MCF2L: variants seen among roughly 807,000 people sequenced by gnomAD.
MCF2L encodes MCF.2 cell line derived transforming sequence like, also known as guanine nucleotide exchange factor DBS.
In MCF2L, 97 loss-of-function variants were observed where a neutral mutation model predicts 153.4. The ratio of observed to expected loss-of-function variants is 0.63; its 90% confidence interval spans 0.54 to 0.75. The LOEUF is 0.75. MCF2L is among the 30% of genes least tolerant of loss of function. The probability of loss-of-function intolerance (pLI) is 0.00; values close to 1 mark genes in which losing one functional copy is unlikely to be tolerated. For missense variants in MCF2L, 1,347 were observed against 1,495.2 expected (o/e 0.90, Z 1.64); for synonymous variants, 659 against 632.2 (o/e 1.04, Z -0.64).
intron 4 of MCF2L, among the ~76,000 whole-genome samples, chr13:113,060,241 C>A (rs1235619351): frequency 6.6e-6 from 1 of 152,214 alleles, no homozygotes; most frequent in African/African-American, 2.4e-5. Context: ...GTAAAGACCG[C>A]GTCACCAGCC....
rs1223060629 is a variant in MCF2L, at chr13:113,096,997, C to T, written c.*138C>T. 3 of 502,294 alleles carry T rather than the reference C, an allele frequency of 6.0e-6. No individual in the cohort carries two copies. Among genetic ancestry groups the T allele is most frequent in the South Asian group, 1.1e-4 (2 of 17,446 alleles). 31.1% of individuals were successfully genotyped at this position (502,294 alleles called of 1,614,324 possible). A position where few individuals can be genotyped will look rare whatever the true frequency, so the allele number is the denominator to read the frequency against. On this transcript the variant is annotated 3_prime_UTR_variant, in exon 30 of 30. Coordinates refer to ENST00000535094, the MANE Select transcript of MCF2L (RefSeq NM_001112732.3). ...CCTGGCCGTGCGGGCTGCAGAGGAC[C>T]CCTCCGGGGCAGAGGCAGGTTCCAC...
chr13:113,075,379 TTTC>T (rs1425210086), intron 11 of MCF2L, among the ~76,000 whole-genome samples, 190 bp downstream of exon 11: 1 of 118,552 alleles, frequency 8.4e-6, no homozygotes, highest in East Asian at 4.0e-4. Flanking sequence ...CACAGTTTTA[TTTC>T]TTTTTTTTTT....
chr13:113,094,775 G>C (rs576260374), intron 27 of MCF2L, 140 bp downstream of exon 27: 1 of 1,190,166 alleles, frequency 8.4e-7, no homozygotes, highest in African/African-American at 1.5e-5. Flanking sequence ...ACATGGGCCT[G>C]GGTCTTACGG....
intron 2 of MCF2L, 82 bp downstream of exon 2, chr13:113,014,928 C>T (rs1369257362): frequency 1.6e-6 from 2 of 1,286,362 alleles, no homozygotes; most frequent in African/African-American, 2.9e-5. Context: ...TGGCCTGGCC[C>T]AGGCTGGAGC....
At position 113,070,100 on chromosome 13, in the gene MCF2L, A is replaced by C. The variant is rs2032742565; in HGVS notation, c.923A>C (p.Glu308Ala). ...QLNETEAAFD[E>A]FWAKHQQKLE... is the part of the protein sequence containing the mutation. Reference sequence around the variant, plus strand: ...AACGAAACCGAGGCTGCCTTCGATGAGTTCTGGGCAAAGCATCAGCAGAAA... The same window carrying C: ...AACGAAACCGAGGCTGCCTTCGATGCGTTCTGGGCAAAGCATCAGCAGAAA... Residue 308 changes from glutamate to alanine, a missense_variant, in exon 9 of 30, where the codon GAG (glutamate) becomes GCG (alanine). By Grantham distance (107) the Glu-to-Ala change is moderately radical (BLOSUM62 -1). Coordinates refer to ENST00000535094, the MANE Select transcript of MCF2L (RefSeq NM_001112732.3). The surrounding 1 kb of genome is among the most constrained non-coding windows in gnomAD (Gnocchi z 5.6). The C allele has an allele frequency of 6.2e-7, 1 of 1,609,598 alleles. No individual in the cohort carries two copies. The highest frequency in any genetic ancestry group is 1.1e-5 in the South Asian group (1 of 90,432).
intron 1 of MCF2L, among the ~76,000 whole-genome samples, chr13:113,010,620 C>T (rs1036383007): frequency 6.6e-6 from 1 of 151,862 alleles, no homozygotes; most frequent in African/African-American, 2.4e-5. Flanking sequence ...ACCCCCTCGT[C>T]GGCCCCACCT....
intron 1 of MCF2L, among the ~76,000 whole-genome samples, chr13:112,996,880 C>T (rs1334925808): frequency 6.6e-6 from 1 of 152,236 alleles, no homozygotes; most frequent in Non-Finnish European, 1.5e-5. Flanking sequence ...CTAGGATCCT[C>T]AGCTGCTTTC....
chr13:113,060,722 C>T lies in MCF2L; in HGVS notation c.489+10C>T. Reference sequence around the variant, plus strand: ...TAAGATGAAGGTGCCGGTAAGTGCGCCCCGCCTCCATCCTGCGGTAGCAGA... The same window carrying T: ...TAAGATGAAGGTGCCGGTAAGTGCGTCCCGCCTCCATCCTGCGGTAGCAGA... On this transcript the variant is annotated intron_variant, in intron 5 of 29. Coordinates refer to ENST00000535094, the MANE Select transcript of MCF2L (RefSeq NM_001112732.3). 1 of 1,611,964 alleles carries T rather than the reference C, an allele frequency of 6.2e-7. No homozygotes were observed. The highest frequency in any genetic ancestry group is 8.5e-7 in the Non-Finnish European group (1 of 1,179,664).
intron 2 of MCF2L, among the ~76,000 whole-genome samples, chr13:112,908,187 C>T (rs962786380): frequency 2.0e-5 from 3 of 152,126 alleles, no homozygotes; most frequent in African/African-American, 7.2e-5. Context: ...GGGCAGCTTC[C>T]CAAGGCCAGG....
At chr13:113,084,860 C>T (rs1254189928) in intron 18 of MCF2L, 32 bp from the exon 19 acceptor site, 1 of 1,552,178 alleles carries the variant, frequency 6.4e-7, no homozygotes, top group Non-Finnish European at 8.9e-7. Flanking sequence ...CCATCCCTCA[C>T]TGCGTGATGC....
rs1442551545 is a variant in MCF2L at position 112,969,982 on chromosome 13, C to T, written c.79+524C>T. 6.6e-6 allele frequency among the ~76,000 whole-genome samples: 1 copy of T among 152,118 alleles called. No individual in the cohort carries two copies. Among genetic ancestry groups the T allele is most frequent in the Non-Finnish European group, 1.5e-5 (1 of 68,034 alleles). On this transcript the variant is annotated intron_variant, in intron 1 of 29. Transcript: ENST00000535094. This position sits in a 1 kb window ranked among gnomAD's most constrained non-coding sequence, Gnocchi z 4.8. Reference sequence around the variant, plus strand: ...ATGGGTAAAGAGTGGACTGGACGTTCATTTTCAGTATTAATCGAAATATTA... The same window carrying T: ...ATGGGTAAAGAGTGGACTGGACGTTTATTTTCAGTATTAATCGAAATATTA...
In MCF2L at chr13:113,082,544, T is replaced by G; in HGVS notation, c.1991+2T>G. ...GGAAATCTATCACTTCCACAACAGG[T>G]GGGCCCTTCCCCCCGACACAGGCAC... On this transcript the variant is annotated splice_donor_variant, in intron 17 of 29. Transcript: ENST00000535094. LOFTEE classifies it high-confidence loss of function. The G allele has an allele frequency of 1.2e-6, 2 of 1,600,280 alleles. No homozygotes were observed. The highest frequency in any genetic ancestry group is 2.2e-5 in the East Asian group (1 of 44,768).
chr13:113,091,412 C>T (rs191419204), intron 26 of MCF2L, among the ~76,000 whole-genome samples: 2 of 152,244 alleles, frequency 1.3e-5, no homozygotes, highest in African/African-American at 4.8e-5. Flanking sequence ...GCAGGTCTAT[C>T]TGGAGCCTGC....
chr13:112,931,948 C>T lies in MCF2L; in HGVS notation c.169+29577C>T, dbSNP rs569233080. 7.9e-5 allele frequency among the ~76,000 whole-genome samples: 12 copies of T among 152,232 alleles called. No homozygotes were observed. The South Asian group carries it at 1.5e-3, about 18-fold the overall frequency. On this transcript the variant is annotated intron_variant, in intron 2 of 29. Transcript: ENST00000375608. ...ATGAAGAAGCGTGGGTCCACACTGACGTAAATGATTGAATAGATATTAATA... is the reference window on the plus strand; with the variant it reads ...ATGAAGAAGCGTGGGTCCACACTGATGTAAATGATTGAATAGATATTAATA...
intron 18 of MCF2L, 85 bp downstream of exon 18, chr13:113,084,152 C>A: frequency 9.0e-7 from 1 of 1,114,944 alleles, no homozygotes; most frequent in Non-Finnish European, 1.4e-6. Flanking sequence ...AGTTCCTATT[C>A]TAACCAACTG....
intron 1 of MCF2L, among the ~76,000 whole-genome samples, chr13:112,981,534 C>T (rs2082425625): frequency 2.0e-5 from 3 of 152,204 alleles, no homozygotes; most frequent in African/African-American, 7.2e-5. Context: ...GCACCGAGCC[C>T]TGGTCCCCAG....
intron 2 of MCF2L, among the ~76,000 whole-genome samples, chr13:112,939,811 CTA>C (rs995051212): frequency 4.6e-5 from 7 of 152,010 alleles, no homozygotes; most frequent in Non-Finnish European, 1.0e-4. Flanking sequence ...AACCTCATCT[CTA>C]TGCAAAAAAT....
At chr13:112,897,364 C>T (rs2081077552) in intron 1 of MCF2L, among the ~76,000 whole-genome samples, 1 of 152,088 alleles carries the variant, frequency 6.6e-6, no homozygotes, top group Non-Finnish European at 1.5e-5. Flanking sequence ...ATCAGGGCTG[C>T]CCCAGCCGGC....
At chr13:113,057,532 G>C (rs2030304399) in intron 4 of MCF2L, among the ~76,000 whole-genome samples, 1 of 146,930 alleles carries the variant, frequency 6.8e-6, no homozygotes, top group South Asian at 2.2e-4. Context: ...TGGGTGCTGA[G>C]TGTTTAGTAG....
Sources: gnomAD v4.1 joint callset for allele counts (sites outside exome capture counted in the v4.1 genomes callset) on GRCh38, gnomAD v4.1.1 for gene constraint, Gnocchi (gnomAD v3.1) non-coding constraint, MANE v1.5 for transcripts, NCBI Gene and HGNC (gene_info 2026-07-23, HGNC 2026-07-21) for gene names.